TTC19: variants seen among roughly 807,000 people sequenced by gnomAD.
TTC19 encodes tetratricopeptide repeat protein 19, mitochondrial.
Under a neutral mutation model 49.5 loss-of-function variants are expected in TTC19, and 38 were observed. That is an observed-to-expected ratio of 0.77 (90% CI 0.59 to 1.01). The LOEUF is 1.01. Among genes scored for constraint, TTC19 ranks in the 50% least tolerant of loss-of-function variants. TTC19 has a pLI of 0.00. For missense variants in TTC19, 475 were observed against 477.7 expected (o/e 0.99, Z 0.05); for synonymous variants, 204 against 185.2 (o/e 1.10, Z -0.83).
chr17:16,041,424 C>CTTTTTTTTTTTTTTTTTTTTTTT, intron 2 of TTC19, among the ~76,000 whole-genome samples: 1 of 46,244 alleles, frequency 2.2e-5, no homozygotes, highest in Non-Finnish European at 5.0e-5. Flanking sequence ...TTTTTTTTTC[C>CTTTTTTTTTTTTTTTTTTTTTTT]TTTGAGATGG....
Position 16,027,597 on chromosome 17 carries a change from G to A in TTC19, c.*75G>A, listed in dbSNP as rs759597611. 24 of 1,539,390 alleles carry A rather than the reference G, an allele frequency of 1.6e-5. No homozygotes were observed. In the South Asian group the frequency reaches 2.1e-4, roughly 14 times the overall value. ...TATCATTCCTGTCTCTGTGGCACCC[G>A]ATCAATGGCTTAAATCTGTCGTTTT... On this transcript the variant is annotated 3_prime_UTR_variant, in exon 10 of 10. Transcript: ENST00000261647.
intron 2 of TTC19, chr17:16,034,682 G>C: frequency 8.1e-7 from 1 of 1,235,910 alleles, no homozygotes; most frequent in Non-Finnish European, 1.1e-6. Flanking sequence ...AATTAGAAGA[G>C]TTGCTGAATT....
Position 16,027,696 on chromosome 17 carries a change from GAAA to G in TTC19, c.*177_*179del. The G allele has an allele frequency of 1.3e-6, 1 of 756,794 alleles. No homozygotes were observed. Among genetic ancestry groups the G allele is most frequent in the Non-Finnish European group, 2.3e-6 (1 of 441,638 alleles). The allele number at this position is 756,794 out of a possible 1,614,324, so 46.9% of individuals were successfully genotyped here. A position where few individuals can be genotyped will look rare whatever the true frequency, so the allele number is the denominator to read the frequency against. Reference sequence around the variant, plus strand: ...ACACTGCCATTTTTGTATTTTAAAGGAAAAATGACTTTCATTCCCAACTGATTA... The same window carrying G: ...ACACTGCCATTTTTGTATTTTAAAGGAATGACTTTCATTCCCAACTGATTA... On this transcript the variant is annotated 3_prime_UTR_variant, in exon 10 of 10. Transcript: ENST00000261647.
chr17:16,035,811 G>T (rs1255459769), intron 2 of TTC19, among the ~76,000 whole-genome samples: 2 of 151,960 alleles, frequency 1.3e-5, no homozygotes, highest in Non-Finnish European at 2.9e-5. Flanking sequence ...CAAAGTGCTG[G>T]GATTACAGGC....
At chr17:16,003,724 G>T (rs1024022981) in intron 4 of TTC19, 107 bp from the exon 5 acceptor site, 1 of 1,046,228 alleles carries the variant, frequency 9.6e-7, no homozygotes, top group Admixed American at 2.0e-5. Flanking sequence ...GGGTATATGG[G>T]TTTTACAAGG....
downstream of TTC19, chr17:16,030,539 ACT>A (rs1196122392): frequency 1.0e-5 from 2 of 191,590 alleles, no homozygotes; most frequent in African/African-American, 4.7e-5. Flanking sequence ...ACATTTAGTC[ACT>A]GTTTTTCATT....
At chr17:16,024,863 A>G (rs1287474717) in intron 7 of TTC19, 154 bp from the exon 8 acceptor site, 3 of 695,888 alleles carry the variant, frequency 4.3e-6, no homozygotes, top group South Asian at 1.6e-5. Flanking sequence ...CTGAAGTTCC[A>G]TGATTCCAGC....
At chr17:16,040,332 A>G (rs2057328181) in intron 2 of TTC19, 2 of 896,376 alleles carry the variant, frequency 2.2e-6, no homozygotes, top group Non-Finnish European at 3.7e-6. Flanking sequence ...ATTTTTCCAT[A>G]TTAGAGCAGT....
intron 7 of TTC19, among the ~76,000 whole-genome samples, chr17:16,017,367 C>G (rs915178440): frequency 1.4e-5 from 2 of 144,024 alleles, no homozygotes; most frequent in South Asian, 4.4e-4. Flanking sequence ...GAGAATGGCA[C>G]GAACCCAGAA....
chr17:16,026,436 T>C, intron 8 of TTC19, 104 bp from the exon 9 acceptor site: 1 of 1,081,472 alleles, frequency 9.2e-7, no homozygotes. Context: ...TGTGGAATGC[T>C]AGGAAAGATG....
At chr17:16,039,095 TA>T (rs56691685) in intron 2 of TTC19, 9,219 of 217,332 alleles carry the variant, frequency 0.042, 236 homozygotes, top group African/African-American at 0.08. Context: ...CTACTGAGCC[TA>T]ATTTTTACAG....
intron 8 of TTC19, among the ~76,000 whole-genome samples, chr17:16,025,674 A>C (rs1187941139): frequency 6.6e-6 from 1 of 152,250 alleles, no homozygotes; most frequent in Non-Finnish European, 1.5e-5. Flanking sequence ...AACATTAAAC[A>C]CATTGAATTG....
At position 16,003,818 on chromosome 17, in the gene TTC19, C is replaced by T. The variant is rs765233934; in HGVS notation, c.463-13C>T. On this transcript the variant is annotated splice_polypyrimidine_tract_variant and intron_variant, in intron 4 of 9. Coordinates refer to ENST00000261647, the MANE Select transcript of TTC19 (RefSeq NM_017775.4). ...GCCCAATTAAAAGAAAAATCTTTTC[C>T]TTATGCTTTTAGGCTGAACAACTTT... 5 of 1,612,166 alleles carry T rather than the reference C, an allele frequency of 3.1e-6. No individual in the cohort carries two copies. The highest frequency in any genetic ancestry group is 4.2e-6 in the Non-Finnish European group (5 of 1,178,772).
chr17:16,026,468 G>A (rs1971564412), intron 8 of TTC19, 72 bp from the exon 9 acceptor site: 4 of 1,372,722 alleles, frequency 2.9e-6, no homozygotes, highest in Non-Finnish European at 4.1e-6. Flanking sequence ...ATTCAGAGTT[G>A]GATGCACTCC....
chr17:16,004,423 G>A (rs1970832769), intron 6 of TTC19, among the ~76,000 whole-genome samples, 161 bp downstream of exon 6: 3 of 152,182 alleles, frequency 2.0e-5, no homozygotes, highest in South Asian at 4.1e-4. Context: ...TCTTTTTCCA[G>A]TTTGCCCCTA....
At chr17:16,031,314 C>G (rs999058396), downstream of TTC19, 1 of 190,932 alleles carries the variant, frequency 5.2e-6, no homozygotes, top group Non-Finnish European at 1.1e-5. Flanking sequence ...CCCAACCAAT[C>G]ATATATTCAA....
Position 16,029,164 on chromosome 17 carries a change from T to C in TTC19, c.*1642T>C. The C allele has an allele frequency of 2.2e-6, 1 of 453,164 alleles. No individual in the cohort carries two copies. Among genetic ancestry groups the C allele is most frequent in the Non-Finnish European group, 4.4e-6 (1 of 226,584 alleles). 28.1% of individuals were successfully genotyped at this position (453,164 alleles called of 1,614,324 possible). Reference sequence around the variant, plus strand: ...GCAGGGGTTACTGAAAGGTTTTTCATTCCAAGTTTTATTTATTTATTAATT... The same window carrying C: ...GCAGGGGTTACTGAAAGGTTTTTCACTCCAAGTTTTATTTATTTATTAATT... On this transcript the variant is annotated 3_prime_UTR_variant, in exon 10 of 10. Transcript: ENST00000261647.
At chr17:16,035,818 A>G (rs767880281) in intron 2 of TTC19, among the ~76,000 whole-genome samples, 12 of 152,136 alleles carry the variant, frequency 7.9e-5, no homozygotes, top group Non-Finnish European at 1.6e-4. Flanking sequence ...CTGGGATTAC[A>G]GGCATGAGTC....
intron 2 of TTC19, chr17:16,039,239 C>G (rs1464231573): frequency 8.4e-6 from 5 of 592,946 alleles, no homozygotes; most frequent in Admixed American, 6.1e-5. Flanking sequence ...AAATTTTCTT[C>G]CATTTTATTT....
Sources: gnomAD v4.1 joint callset for allele counts (sites outside exome capture counted in the v4.1 genomes callset) on GRCh38, gnomAD v4.1.1 for gene constraint, MANE v1.5 for transcripts, NCBI Gene and HGNC (gene_info 2026-07-23, HGNC 2026-07-21) for gene names.